SNTB2: variants seen among roughly 807,000 people sequenced by gnomAD.
The protein encoded by SNTB2 is syntrophin beta 2.
A neutral mutation model predicts 46.2 loss-of-function variants in SNTB2; 34 were observed. That is an observed-to-expected ratio of 0.74 (90% CI 0.56 to 0.98). The LOEUF (loss-of-function observed/expected upper bound fraction) is 0.98, where lower values mean the gene tolerates loss of function less well. Ranked by LOEUF, SNTB2 falls within the 50% of genes least tolerant of loss-of-function variation. The pLI is 0.00. For synonymous variants in SNTB2, 290 were observed against 312.6 expected (o/e 0.93, Z 0.76); for missense variants, 603 against 731.4 (o/e 0.82, Z 2.02).
intron 2 of SNTB2, among the ~76,000 whole-genome samples, chr16:69,253,542 G>A (rs1298208248): frequency 2.0e-5 from 3 of 152,016 alleles, no homozygotes; most frequent in Admixed American, 6.6e-5. Context: ...CCAGCTACTC[G>A]GGAGGCTGAG....
intron 5 of SNTB2, among the ~76,000 whole-genome samples, chr16:69,296,033 A>C (rs1965219758): frequency 6.6e-6 from 1 of 152,198 alleles, no homozygotes; most frequent in Non-Finnish European, 1.5e-5. Context: ...TAATCCCAGC[A>C]TTTTAGGAGG....
intron 3 of SNTB2, among the ~76,000 whole-genome samples, chr16:69,264,653 G>A (rs1047561414): frequency 2.0e-5 from 3 of 151,990 alleles, no homozygotes; most frequent in African/African-American, 7.3e-5. Flanking sequence ...CCTAAGTTAC[G>A]CCTGTCCGAA....
chr16:69,295,947 G>C (rs1305209202), intron 5 of SNTB2, among the ~76,000 whole-genome samples: 1 of 152,152 alleles, frequency 6.6e-6, no homozygotes. Flanking sequence ...ACATGACCAG[G>C]TCACAGTCTC....
chr16:69,235,155 G>A (rs928392274), intron 1 of SNTB2, among the ~76,000 whole-genome samples: 4 of 151,306 alleles, frequency 2.6e-5, no homozygotes, highest in African/African-American at 9.7e-5. Flanking sequence ...GGGATTACAG[G>A]CGCACGCCAC....
intron 1 of SNTB2, among the ~76,000 whole-genome samples, chr16:69,207,511 A>C (rs549089312): frequency 9.2e-5 from 14 of 152,192 alleles, no homozygotes; most frequent in Non-Finnish European, 2.1e-4. Flanking sequence ...TTTTATGTTG[A>C]CCAATTATAA....
At chr16:69,261,359 C>T (rs932396371) in intron 3 of SNTB2, among the ~76,000 whole-genome samples, 3 of 149,578 alleles carry the variant, frequency 2.0e-5, no homozygotes, top group African/African-American at 7.4e-5. Context: ...GGATATTGTC[C>T]CCAAAGCAGT....
intron 2 of SNTB2, among the ~76,000 whole-genome samples, chr16:69,258,000 T>C (rs1463231982): frequency 3.3e-5 from 5 of 152,212 alleles, no homozygotes; most frequent in Admixed American, 2.0e-4. Flanking sequence ...ATATTTGCAA[T>C]ACAAAATATG....
At chr16:69,208,405 T>C (rs887503812) in intron 1 of SNTB2, among the ~76,000 whole-genome samples, 2 of 146,196 alleles carry the variant, frequency 1.4e-5, no homozygotes, top group Admixed American at 6.8e-5. Context: ...AAACTTCGTC[T>C]CAAAAAAAAA....
At chr16:69,294,841 C>A (rs1433295938) in intron 5 of SNTB2, among the ~76,000 whole-genome samples, 2 of 149,062 alleles carry the variant, frequency 1.3e-5, no homozygotes, top group Admixed American at 1.3e-4. Context: ...TTCGCTCTGT[C>A]ACTCGGGCTG....
At chr16:69,228,215 A>G (rs990650382) in intron 1 of SNTB2, among the ~76,000 whole-genome samples, 2 of 152,136 alleles carry the variant, frequency 1.3e-5, no homozygotes, top group Non-Finnish European at 2.9e-5. Context: ...TTAGAATTTC[A>G]TAGATTATGA....
At chr16:69,274,096 G>A (rs78421270) in intron 4 of SNTB2, among the ~76,000 whole-genome samples, 38 of 151,892 alleles carry the variant, frequency 2.5e-4, no homozygotes, top group African/African-American at 8.5e-4. Flanking sequence ...GGCGGATCAC[G>A]AGGTCAGGAG....
chr16:69,291,233 T>C (rs1044195250), intron 5 of SNTB2, among the ~76,000 whole-genome samples: 1 of 152,118 alleles, frequency 6.6e-6, no homozygotes, highest in African/African-American at 2.4e-5. Flanking sequence ...CCTACTCCCT[T>C]CTGAGGTGCT....
chr16:69,283,943 C>T, intron 4 of SNTB2, 105 bp from the exon 5 acceptor site: 1 of 1,048,930 alleles, frequency 9.5e-7, no homozygotes, highest in Admixed American at 2.4e-5. Context: ...TATCCAAAAA[C>T]TGCTGATTGC....
At chr16:69,208,502 C>T (rs1236493500) in intron 1 of SNTB2, among the ~76,000 whole-genome samples, 6 of 151,386 alleles carry the variant, frequency 4.0e-5, no homozygotes, top group African/African-American at 1.2e-4. Flanking sequence ...AAACCATTTG[C>T]TGTGTATACC....
chr16:69,253,209 G>A (rs1039581623), intron 2 of SNTB2, among the ~76,000 whole-genome samples: 2 of 151,834 alleles, frequency 1.3e-5, no homozygotes, highest in African/African-American at 4.8e-5. Context: ...CCCTTTGTCA[G>A]TTTTAATGGT....
intron 1 of SNTB2, among the ~76,000 whole-genome samples, chr16:69,188,591 G>A (rs1473057319): frequency 6.6e-6 from 1 of 152,184 alleles, no homozygotes; most frequent in African/African-American, 2.4e-5. Flanking sequence ...TCTCCTCTAA[G>A]GACTCATGCA....
At position 69,232,126 on chromosome 16, in the gene SNTB2, C is replaced by T. The variant is rs76564396; in HGVS notation, c.581-13476C>T. ...AGTAATAGATATTCAAGTTAGACTT[C>T]GATGAGGCCTAAAAAATACTGGGGC... On this transcript the variant is annotated intron_variant, in intron 1 of 6. Coordinates refer to ENST00000336278, the MANE Select transcript of SNTB2 (RefSeq NM_006750.4). 4.7e-3 allele frequency among the ~76,000 whole-genome samples: 703 copies of T among 151,158 alleles called. 31 individuals carry two copies. In the South Asian group the frequency reaches 0.092, roughly 20 times the overall value.
At chr16:69,246,613 T>C (rs990889865) in intron 2 of SNTB2, among the ~76,000 whole-genome samples, 1 of 145,268 alleles carries the variant, frequency 6.9e-6, no homozygotes, top group Non-Finnish European at 1.5e-5. Flanking sequence ...TTTCTGTTGA[T>C]TGGAATAGTT....
At chr16:69,262,528 T>C (rs1263572950) in intron 3 of SNTB2, among the ~76,000 whole-genome samples, 4 of 152,194 alleles carry the variant, frequency 2.6e-5, no homozygotes, top group Non-Finnish European at 4.4e-5. Flanking sequence ...CAAATAATTA[T>C]GTATATTTAT....
Sources: allele counts gnomAD v4.1 joint callset (sites outside exome capture counted in the v4.1 genomes callset), GRCh38; gene constraint gnomAD v4.1.1; transcripts MANE v1.5; gene names NCBI Gene and HGNC (gene_info 2026-07-23, HGNC 2026-07-21).